The following ATP2A2 variants were observed in gnomAD, a reference collection of about 807,000 sequenced individuals.
ATP2A2 encodes ATPase sarcoplasmic/endoplasmic reticulum Ca2+ transporting 2, also known as sarcoplasmic/endoplasmic reticulum calcium ATPase 2.
A neutral mutation model predicts 109.3 loss-of-function variants in ATP2A2; 14 were observed. The observed-to-expected ratio is 0.13, with a 90% CI of 0.08 to 0.20. The LOEUF is 0.20. ATP2A2 is among the 10% of genes least tolerant of loss of function. The probability of loss-of-function intolerance (pLI) is 1.00; values close to 1 mark genes in which losing one functional copy is unlikely to be tolerated. For synonymous variants in ATP2A2, 506 were observed against 490.9 expected (o/e 1.03, Z -0.41); for missense variants, 657 against 1,321.6 (o/e 0.50, Z 7.80).
chr12:110,286,432 A>G (rs555618334), intron 3 of ATP2A2, among the ~76,000 whole-genome samples: 1 of 152,210 alleles, frequency 6.6e-6, no homozygotes, highest in Non-Finnish European at 1.5e-5. Context: ...TGATTGGTTT[A>G]ACTAGTTTAT....
chr12:110,325,179 T>A (rs1317440084), intron 6 of ATP2A2, among the ~76,000 whole-genome samples: 3 of 152,224 alleles, frequency 2.0e-5, no homozygotes, highest in Non-Finnish European at 2.9e-5. Context: ...AATATTATCT[T>A]TCTTTCATTA....
rs748245225 is a variant in ATP2A2 at position 110,332,694 on chromosome 12, CCCT to C, written c.1184+17_1184+19del. ...GCACCTATTGGAGAAGTGTGAGTAA[CCCT>C]CCTCCTCATTTAAAGGATCTGGTGT... On this transcript the variant is annotated intron_variant, in intron 9 of 19. Coordinates refer to ENST00000539276, the MANE Select transcript of ATP2A2 (RefSeq NM_170665.4). 8.2e-6 allele frequency: 13 copies of C among 1,590,434 alleles called. 1 individual carries two copies. The African/African-American group carries it at 1.5e-4, about 18-fold the overall frequency.
chr12:110,321,483 T>C (rs1487164083), intron 5 of ATP2A2, among the ~76,000 whole-genome samples: 1 of 152,226 alleles, frequency 6.6e-6, no homozygotes, highest in African/African-American at 2.4e-5. Flanking sequence ...TTATTATTGT[T>C]GTTTTGAGAC....
At chr12:110,294,083 A>G (rs1873692484) in intron 4 of ATP2A2, among the ~76,000 whole-genome samples, 1 of 148,808 alleles carries the variant, frequency 6.7e-6, no homozygotes, top group Non-Finnish European at 1.5e-5. Flanking sequence ...TCACTCTGTC[A>G]CCCAGGCTGG....
rs1490288472 is a variant in ATP2A2, at chr12:110,345,315, T to A, written c.2674T>A (p.Ser892Thr). The A allele has an allele frequency of 6.2e-7, 1 of 1,614,016 alleles. No individual in the cohort carries two copies. The highest frequency in any genetic ancestry group is 8.5e-7 in the Non-Finnish European group (1 of 1,180,020). Residue 892 changes from serine (S) to threonine (T), a missense_variant, in exon 18 of 20, where the codon TCC becomes ACC. Around this residue, in one of 9 missense-constraint regions of ATP2A2, gnomAD observed 125 missense variants for 243.5 expected, o/e 0.51. Coordinates refer to ENST00000539276, the MANE Select transcript of ATP2A2 (RefSeq NM_170665.4). ...AGGCGTGGATTGTGCAATCTTTGAA[T>A]CCCCATACCCGATGACAATGGCGCT... ...FEGVDCAIFE[S>T]PYPMTMALSV...
chr12:110,340,821 G>A lies in ATP2A2; in HGVS notation c.1924G>A (p.Gly642Arg), dbSNP rs373030579. 2.5e-5 allele frequency: 41 copies of A among 1,614,072 alleles called. No individual in the cohort carries two copies. The African/African-American group carries it at 4.4e-4, about 17-fold the overall frequency. The change falls in exon 14 of 20, where the codon GGG becomes AGG. Residue 642 changes from glycine to arginine, a missense_variant. Coordinates refer to ENST00000539276, the MANE Select transcript of ATP2A2 (RefSeq NM_170665.4). This position sits in a 1 kb window ranked among gnomAD's most constrained non-coding sequence, Gnocchi z 6.0. ...VAICRRIGIF[G>R]QDEDVTSKAF... is the part of the protein sequence containing the mutation. ...CATCTGTCGCCGCATCGGCATCTTC[G>A]GGCAGGATGAGGACGTGACGTCAAA...
intron 3 of ATP2A2, among the ~76,000 whole-genome samples, chr12:110,283,746 T>C (rs1872389162): frequency 6.6e-6 from 1 of 152,200 alleles, no homozygotes; most frequent in African/African-American, 2.4e-5. Context: ...AGTGCAGTAC[T>C]TCTTTCTAGT....
intron 15 of ATP2A2, 82 bp from the exon 16 acceptor site, chr12:110,343,150 G>T: frequency 7.3e-7 from 1 of 1,376,482 alleles, no homozygotes; most frequent in Non-Finnish European, 1.0e-6. Flanking sequence ...TTTTCTGGAG[G>T]AGGGCGGGTT....
Position 110,334,159 on chromosome 12 carries a change from T to G in ATP2A2, c.1419+16T>G. The G allele has an allele frequency of 6.2e-7, 1 of 1,613,560 alleles. No homozygotes were observed. The highest frequency in any genetic ancestry group is 1.1e-5 in the South Asian group (1 of 91,078). ...CTGCAACTCAGTGAGTATTTGAACCTGGTTTATTGTTCATGCTGCTTATCA... is the reference window on the plus strand; with the variant it reads ...CTGCAACTCAGTGAGTATTTGAACCGGGTTTATTGTTCATGCTGCTTATCA... On this transcript the variant is annotated intron_variant, in intron 11 of 19. Transcript: ENST00000539276.
Position 110,346,519 on chromosome 12 carries a change from T to A in ATP2A2, c.*49T>A, listed in dbSNP as rs1169770104. ...TGTTTAACTTAATCAATTAATTTTTTTATTGTTTAAAGCAACTGTCTATTT... is the reference window on the plus strand; with the variant it reads ...TGTTTAACTTAATCAATTAATTTTTATATTGTTTAAAGCAACTGTCTATTT... On this transcript the variant is annotated 3_prime_UTR_variant, in exon 20 of 20. Transcript: ENST00000539276. The A allele has an allele frequency of 6.2e-7, 1 of 1,609,780 alleles. No individual in the cohort carries two copies. Among genetic ancestry groups the A allele is most frequent in the Admixed American group, 1.7e-5 (1 of 59,838 alleles).
intron 5 of ATP2A2, among the ~76,000 whole-genome samples, chr12:110,303,505 G>C (rs545850079): frequency 8.7e-4 from 132 of 152,256 alleles, no homozygotes; most frequent in African/African-American, 3.1e-3. Flanking sequence ...CCGACTCCCT[G>C]GTTCAAGCGA....
At chr12:110,315,529 A>C (rs1876572041) in intron 5 of ATP2A2, among the ~76,000 whole-genome samples, 1 of 152,202 alleles carries the variant, frequency 6.6e-6, no homozygotes, top group Admixed American at 6.5e-5. Flanking sequence ...GAGCTTATGA[A>C]ACCTTATTTT....
rs1348552435 is a variant in ATP2A2 at position 110,347,344 on chromosome 12, CG to C, written c.*875del. 4 of 1,287,542 alleles carry C rather than the reference CG, an allele frequency of 3.1e-6. No individual in the cohort carries two copies. Among genetic ancestry groups the C allele is most frequent in the Non-Finnish European group, 3.0e-6 (3 of 987,570 alleles). 79.8% of individuals were successfully genotyped at this position (1,287,542 alleles called of 1,614,324 possible). A position where few individuals can be genotyped will look rare whatever the true frequency, so the allele number is the denominator to read the frequency against. On this transcript the variant is annotated 3_prime_UTR_variant, in exon 20 of 20. Transcript: ENST00000539276. ...AAAAATAACTGTCTTGTCTTTAACT[CG>C]TAAGTGGCTTACCTGGGACTAACAG...
chr12:110,340,557 A>T lies in ATP2A2; in HGVS notation c.1762-102A>T, dbSNP rs1879252747. 2.2e-6 allele frequency: 3 copies of T among 1,353,690 alleles called. No homozygotes were observed. Among genetic ancestry groups the T allele is most frequent in the Non-Finnish European group, 3.1e-6 (3 of 973,384 alleles). The allele number at this position is 1,353,690 out of a possible 1,614,324, so 83.9% of individuals were successfully genotyped here. A position where few individuals can be genotyped will look rare whatever the true frequency, so the allele number is the denominator to read the frequency against. ...CCGCCTCAAAAAAAAAAAAAGAAAA[A>T]AAATGCAGAAACCTGTCTCAATGTT... On this transcript the variant is annotated intron_variant, in intron 13 of 19. Transcript: ENST00000539276. The surrounding 1 kb of genome is among the most constrained non-coding windows in gnomAD (Gnocchi z 6.0).
rs182196483 is a variant in ATP2A2, at chr12:110,327,014, C to T, written c.630+539C>T. Among the ~76,000 whole-genome samples the T allele has an allele frequency of 1.3e-5, 2 of 152,256 alleles. No individual in the cohort carries two copies. The highest frequency in any genetic ancestry group is 1.9e-4 in the East Asian group (1 of 5,182). ...GGTTTGTATGAGAACCTGACTACTA[C>T]CCATAGTAAGTAAATAGAGGTACCC... On this transcript the variant is annotated intron_variant, in intron 7 of 19. Transcript: ENST00000539276. This position sits in a 1 kb window ranked among gnomAD's most constrained non-coding sequence, Gnocchi z 4.4.
At chr12:110,322,458 C>T (rs1390668901) in intron 5 of ATP2A2, among the ~76,000 whole-genome samples, 1 of 151,190 alleles carries the variant, frequency 6.6e-6, no homozygotes, top group African/African-American at 2.4e-5. Flanking sequence ...TCCTGGGTGA[C>T]AGAGCAAGGC....
At chr12:110,321,886 G>A (rs1290195068) in intron 5 of ATP2A2, among the ~76,000 whole-genome samples, 1 of 152,176 alleles carries the variant, frequency 6.6e-6, no homozygotes, top group Non-Finnish European at 1.5e-5. Context: ...CTGAGATTTG[G>A]GCCTTTTAAG....
chr12:110,282,214 A>G (rs1295460684), intron 1 of ATP2A2, among the ~76,000 whole-genome samples: 2 of 152,210 alleles, frequency 1.3e-5, no homozygotes, highest in Non-Finnish European at 2.9e-5. Flanking sequence ...GAGCCCGGCA[A>G]GACGTTTTCT....
In ATP2A2 at chr12:110,350,042, C is replaced by T. The variant is rs996528197; in HGVS notation, c.*3572C>T. The T allele has an allele frequency of 1.4e-6, 2 of 1,409,720 alleles. No individual in the cohort carries two copies. The highest frequency in any genetic ancestry group is 1.8e-6 in the Non-Finnish European group (2 of 1,085,640). The allele number at this position is 1,409,720 out of a possible 1,614,324, so 87.3% of individuals were successfully genotyped here. The stretch of plus-strand genomic sequence containing the variant: ...TGTGTCTGCCTCATGGGGTTTTCCT[C>T]CAGAGCCTTTATTCTGTAGCCAGAC... On this transcript the variant is annotated 3_prime_UTR_variant, in exon 20 of 20. Coordinates refer to ENST00000539276, the MANE Select transcript of ATP2A2 (RefSeq NM_170665.4).
Sources: allele counts gnomAD v4.1 joint callset (sites outside exome capture counted in the v4.1 genomes callset), GRCh38; gene constraint gnomAD v4.1.1; regional missense constraint gnomAD v4.1.1; non-coding constraint Gnocchi (gnomAD v3.1); transcripts MANE v1.5; gene names NCBI Gene and HGNC (gene_info 2026-07-23, HGNC 2026-07-21).